SLC16A10: variants seen among roughly 807,000 people sequenced by gnomAD.
SLC16A10 encodes monocarboxylate transporter 10.
SLC16A10 carries 27 observed loss-of-function variants against 40.0 expected under a neutral mutation model. The ratio of observed to expected loss-of-function variants is 0.67; its 90% CI spans 0.50 to 0.93. SLC16A10 has a LOEUF of 0.93. SLC16A10 is among the 40% of genes least tolerant of loss of function. The pLI, the probability that SLC16A10 is intolerant of heterozygous loss-of-function variation, is 0.00. For synonymous variants in SLC16A10, 213 were observed against 249.8 expected, an observed-to-expected ratio of 0.85 and a Z score of 1.39; for missense variants, 529 against 658.2, an observed-to-expected ratio of 0.80 and a Z score of 2.15.
chr6:111,168,171 G>A (rs1772513671), intron 1 of SLC16A10, among the ~76,000 whole-genome samples: 1 of 152,068 alleles, frequency 6.6e-6, no homozygotes, highest in South Asian at 2.1e-4. Flanking sequence ...GTAGAGATGG[G>A]GTTTCGCCCT....
At chr6:111,130,575 C>T (rs929813072) in intron 1 of SLC16A10, among the ~76,000 whole-genome samples, 1 of 152,106 alleles carries the variant, frequency 6.6e-6, no homozygotes, top group Admixed American at 6.5e-5. Context: ...GGTAGCATTA[C>T]CTCTGCATTA....
intron 1 of SLC16A10, among the ~76,000 whole-genome samples, chr6:111,146,669 G>A (rs946451810): frequency 5.9e-5 from 9 of 151,972 alleles, no homozygotes; most frequent in Non-Finnish European, 1.2e-4. Context: ...CCCGGCAGGC[G>A]GGGCTTGCAG....
Position 111,190,838 on chromosome 6 carries a change from C to T in SLC16A10, c.942+13173C>T, listed in dbSNP as rs146770870. Among the ~76,000 whole-genome samples, 906 of 152,286 alleles carry T rather than the reference C, an allele frequency of 5.9e-3. 5 individuals are homozygous for T. The highest frequency in any genetic ancestry group is 0.011 in the Admixed American group (171 of 15,302). Reference sequence around the variant, plus strand: ...GGCCTGGCCCATGAAATCATTTTTTCCTTCTGGGCCTCCAGGCCTATGATG... The same window carrying T: ...GGCCTGGCCCATGAAATCATTTTTTTCTTCTGGGCCTCCAGGCCTATGATG... On this transcript the variant is annotated intron_variant, in intron 3 of 5. Transcript: ENST00000368851.
At chr6:111,101,243 G>C (rs1029874602) in intron 1 of SLC16A10, among the ~76,000 whole-genome samples, 3 of 151,848 alleles carry the variant, frequency 2.0e-5, no homozygotes, top group African/African-American at 7.2e-5. Context: ...TGTTGCCCAG[G>C]CTGGTCCTGA....
rs1221243843 is a variant in SLC16A10, at chr6:111,225,973, A to C, written c.*3738A>C. 6.6e-6 allele frequency: 1 copy of C among 152,210 alleles called. No individual in the cohort carries two copies. Among genetic ancestry groups the C allele is most frequent in the Non-Finnish European group, 1.5e-5 (1 of 68,040 alleles). The allele number at this position is 152,210 out of a possible 1,614,324, so 9.4% of individuals were successfully genotyped here. A position where few individuals can be genotyped will look rare whatever the true frequency, so the allele number is the denominator to read the frequency against. The stretch of plus-strand genomic sequence containing the variant: ...GGCTGTATTTCCTACTGATCCCTGT[A>C]GTTTCACTGAATGGATCCCCACCCA... On this transcript the variant is annotated 3_prime_UTR_variant, in exon 6 of 6. Transcript: ENST00000368851.
chr6:111,174,017 GATGGGCACATAACTGC>G (rs887423984), intron 2 of SLC16A10, among the ~76,000 whole-genome samples: 5 of 152,170 alleles, frequency 3.3e-5, no homozygotes, highest in African/African-American at 1.2e-4. Flanking sequence ...GTAAGGAACG[GATGGGCACATAACTGC>G]ATGGAACATC....
intron 3 of SLC16A10, chr6:111,193,311 A>G (rs935286473): frequency 1.0e-6 from 1 of 985,804 alleles, no homozygotes; most frequent in Non-Finnish European, 1.2e-6. Context: ...ATCTGCTGCA[A>G]TTTGACTGTT....
At chr6:111,180,866 T>C (rs1210218417) in intron 3 of SLC16A10, among the ~76,000 whole-genome samples, 1 of 152,180 alleles carries the variant, frequency 6.6e-6, no homozygotes, top group Non-Finnish European at 1.5e-5. Context: ...TAGTGACTGA[T>C]AATTATTACT....
At chr6:111,211,698 G>C (rs777034240) in intron 4 of SLC16A10, among the ~76,000 whole-genome samples, 8 of 152,204 alleles carry the variant, frequency 5.3e-5, no homozygotes, top group Non-Finnish European at 8.8e-5. Context: ...CCTAACCCAT[G>C]CAGGATGCTG....
At chr6:111,145,288 C>G (rs1772056424) in intron 1 of SLC16A10, among the ~76,000 whole-genome samples, 1 of 152,120 alleles carries the variant, frequency 6.6e-6, no homozygotes, top group East Asian at 2.0e-4. Flanking sequence ...GTGGTCCCAG[C>G]TACTCAGGAG....
chr6:111,213,208 A>G (rs1318966120), intron 4 of SLC16A10, among the ~76,000 whole-genome samples: 1 of 152,216 alleles, frequency 6.6e-6, no homozygotes, highest in Admixed American at 6.5e-5. Context: ...TAAAGCAGAC[A>G]ACCCAGACAA....
chr6:111,155,910 A>G (rs1018967896), intron 1 of SLC16A10, among the ~76,000 whole-genome samples: 1 of 152,198 alleles, frequency 6.6e-6, no homozygotes, highest in African/African-American at 2.4e-5. Context: ...ACTATTCTCC[A>G]GTAAAAACAA....
At chr6:111,205,855 T>C (rs892851862) in intron 3 of SLC16A10, among the ~76,000 whole-genome samples, 3 of 152,226 alleles carry the variant, frequency 2.0e-5, no homozygotes, top group African/African-American at 7.2e-5. Flanking sequence ...TTATAACTCG[T>C]TTCAGGGGTG....
At chr6:111,129,942 G>C (rs1239706199) in intron 1 of SLC16A10, among the ~76,000 whole-genome samples, 1 of 151,966 alleles carries the variant, frequency 6.6e-6, no homozygotes, top group East Asian at 1.9e-4. Flanking sequence ...GTCTGATTGA[G>C]GTCATCTTAC....
intron 1 of SLC16A10, among the ~76,000 whole-genome samples, chr6:111,113,859 C>T (rs1279368157): frequency 6.6e-6 from 1 of 152,164 alleles, no homozygotes; most frequent in Non-Finnish European, 1.5e-5. Flanking sequence ...TGGTTTTCAG[C>T]CAACCTTGAG....
Position 111,202,158 on chromosome 6 carries a change from C to T in SLC16A10, c.943-4434C>T, listed in dbSNP as rs61067378. Among the ~76,000 whole-genome samples the T allele has an allele frequency of 1.0e-3, 159 of 152,272 alleles. 1 individual carries two copies. The highest frequency in any genetic ancestry group is 3.3e-3 in the African/African-American group (137 of 41,552). ...TGGGCTCTAGTGAGGGGAAAGTAAC[C>T]GGCCTTCAGTTGGCTGGTCAGAAAC... On this transcript the variant is annotated intron_variant, in intron 3 of 5. Transcript: ENST00000368851.
intron 1 of SLC16A10, among the ~76,000 whole-genome samples, chr6:111,123,836 A>G (rs921567770): frequency 6.6e-6 from 1 of 152,152 alleles, no homozygotes. Flanking sequence ...GCTGATATTC[A>G]TCAGAAAAAA....
intron 3 of SLC16A10, among the ~76,000 whole-genome samples, chr6:111,201,287 T>C (rs1364552862): frequency 1.3e-5 from 2 of 152,170 alleles, no homozygotes. Flanking sequence ...CAGCAGTGGA[T>C]GATAACTACT....
At chr6:111,109,982 A>G (rs1044733691) in intron 1 of SLC16A10, among the ~76,000 whole-genome samples, 3 of 152,168 alleles carry the variant, frequency 2.0e-5, no homozygotes, top group African/African-American at 7.2e-5. Flanking sequence ...AATTAAAAAA[A>G]TTGTGGCTGA....
Sources: allele counts gnomAD v4.1 joint callset (sites outside exome capture counted in the v4.1 genomes callset), GRCh38; gene constraint gnomAD v4.1.1; transcripts MANE v1.5; gene names NCBI Gene and HGNC (gene_info 2026-07-23, HGNC 2026-07-21).